Variants in MYO1H observed in about 807,000 individuals in gnomAD.
MYO1H encodes myosin IH, also known as unconventional myosin-Ih.
MYO1H carries 118 observed loss-of-function variants against 149.3 expected under a neutral mutation model. The ratio of observed to expected loss-of-function variants is 0.79; its 90% CI spans 0.68 to 0.92. The LOEUF (loss-of-function observed/expected upper bound fraction) is 0.92. MYO1H is among the 40% of genes least tolerant of loss of function. The pLI is 0.00. For missense variants in MYO1H, 1,212 were observed against 1,280.7 expected, an observed-to-expected ratio of 0.95 and a Z score of 0.82; for synonymous variants, 447 against 465.2, an observed-to-expected ratio of 0.96 and a Z score of 0.50.
chr12:109,392,842 G>A (rs914301087), intron 2 of MYO1H, among the ~76,000 whole-genome samples: 2 of 151,320 alleles, frequency 1.3e-5, no homozygotes, highest in African/African-American at 2.4e-5. Flanking sequence ...TCAGAGTCTC[G>A]CTCTGTCACC....
chr12:109,392,367 G>T (rs6606705), intron 2 of MYO1H, among the ~76,000 whole-genome samples: 75,489 of 151,720 alleles, frequency 0.5, 19,417 homozygotes, highest in African/African-American at 0.62. Context: ...TGCCCTTCCT[G>T]CCTACTTTGT....
chr12:109,422,931 A>G (rs1871234922), intron 16 of MYO1H, among the ~76,000 whole-genome samples: 1 of 151,812 alleles, frequency 6.6e-6, no homozygotes, highest in Non-Finnish European at 1.5e-5. Flanking sequence ...TAAATTAAAA[A>G]ATTAGCTGGG....
upstream of MYO1H, among the ~76,000 whole-genome samples, chr12:109,344,092 A>G (rs574906710): frequency 5.9e-5 from 9 of 152,244 alleles, no homozygotes; most frequent in South Asian, 1.9e-3. Context: ...CCCAATATTT[A>G]AATTTGTCTG....
chr12:109,439,609 A>G, intron 23 of MYO1H, 22 bp from the exon 24 acceptor site: 3 of 1,598,206 alleles, frequency 1.9e-6, no homozygotes, highest in Non-Finnish European at 2.6e-6. Context: ...CCAGAAAAGT[A>G]AGAAAACATT....
At chr12:109,404,110 TC>T in intron 7 of MYO1H, 30 bp downstream of exon 7, 2 of 1,508,540 alleles carry the variant, frequency 1.3e-6, no homozygotes, top group Non-Finnish European at 9.2e-7. Context: ...AACTGATAGT[TC>T]CCCCTGGGAC....
chr12:109,438,086 T>TAA (rs58487735), intron 22 of MYO1H, among the ~76,000 whole-genome samples: 7,005 of 96,760 alleles, frequency 0.072, 296 homozygotes, highest in Middle Eastern at 0.12. Flanking sequence ...AGGCTCTGTC[T>TAA]AAAAAAAAAA....
intron 1 of MYO1H, among the ~76,000 whole-genome samples, chr12:109,384,256 A>C (rs1869260935): frequency 6.6e-6 from 1 of 152,202 alleles, no homozygotes. Flanking sequence ...TAACAGGCAG[A>C]ATCTGTGATC....
At chr12:109,408,863 C>T (rs1329633141) in intron 10 of MYO1H, among the ~76,000 whole-genome samples, 1 of 152,162 alleles carries the variant, frequency 6.6e-6, no homozygotes, top group African/African-American at 2.4e-5. Context: ...AATCTTGGCT[C>T]ACTGCAGCCT....
the MYO1H span, among the ~76,000 whole-genome samples, chr12:109,334,849 T>C: frequency 6.6e-6 from 1 of 152,212 alleles, no homozygotes; most frequent in Admixed American, 6.5e-5. Context: ...TAGTAGGTTT[T>C]AGTATATTCA....
intron 1 of MYO1H, among the ~76,000 whole-genome samples, chr12:109,372,404 G>A (rs1033292843): frequency 2.6e-5 from 4 of 151,970 alleles, no homozygotes; most frequent in African/African-American, 9.7e-5. Flanking sequence ...TTTACATTCA[G>A]TAAAATTCAC....
chr12:109,438,684 A>C (rs1432950413), intron 23 of MYO1H, 64 bp downstream of exon 23: 2 of 1,164,202 alleles, frequency 1.7e-6, no homozygotes, highest in African/African-American at 3.1e-5. Context: ...AGGGATGGTC[A>C]TGGAGGTAGA....
At chr12:109,354,814 A>G (rs911669181) in intron 1 of MYO1H, among the ~76,000 whole-genome samples, 2 of 152,150 alleles carry the variant, frequency 1.3e-5, no homozygotes, top group African/African-American at 4.8e-5. Context: ...ATGTTTCTTC[A>G]ACAAGAGGAA....
intron 1 of MYO1H, among the ~76,000 whole-genome samples, chr12:109,353,738 G>T (rs567438777): frequency 6.6e-6 from 1 of 152,014 alleles, no homozygotes; most frequent in Non-Finnish European, 1.5e-5. Flanking sequence ...TGCAACCCCC[G>T]CCTCCCAGGT....
the MYO1H span, among the ~76,000 whole-genome samples, chr12:109,325,521 T>C: frequency 2.6e-5 from 4 of 152,306 alleles, no homozygotes; most frequent in African/African-American, 9.6e-5. Context: ...GACATACGCA[T>C]AGGCAAAGAC....
intron 1 of MYO1H, among the ~76,000 whole-genome samples, chr12:109,382,380 G>A (rs941080654): frequency 1.3e-5 from 2 of 152,076 alleles, no homozygotes; most frequent in Non-Finnish European, 2.9e-5. Context: ...TTTTCTCTAT[G>A]AATAAATTGC....
intron 12 of MYO1H, 139 bp from the exon 13 acceptor site, chr12:109,410,549 A>G (rs1254668665): frequency 1.5e-6 from 1 of 658,940 alleles, no homozygotes; most frequent in African/African-American, 1.8e-5. Context: ...TTATTTTGAT[A>G]TTCAGAAAAT....
At chr12:109,427,910 AT>A (rs1400268919) in intron 19 of MYO1H, among the ~76,000 whole-genome samples, 253 of 34,306 alleles carry the variant, frequency 7.4e-3, no homozygotes, top group Middle Eastern at 0.014. Context: ...AAAAAAAAAA[AT>A]ATATATATAT....
rs541289093 is a variant in MYO1H at position 109,358,846 on chromosome 12, T to TAAAAAAAAAAA, written c.12+10888_12+10898dup. ...TTCTGGGGGAAGCATCCTGTGGTGT[T>TAAAAAAAAAAA]AAAAAAAAAAAAAAAAAAAAAAAAG... On this transcript the variant is annotated intron_variant, in intron 1 of 31. Transcript: ENST00000310903. Among the ~76,000 whole-genome samples, 691 of 84,506 alleles carry TAAAAAAAAAAA rather than the reference T, an allele frequency of 8.2e-3. 35 individuals are homozygous for TAAAAAAAAAAA. The highest frequency in any genetic ancestry group is 0.037 in the African/African-American group (655 of 17,830). 55.4% of individuals were successfully genotyped at this position (84,506 alleles called of 152,430 possible).
chr12:109,385,420 G>A (rs907824034), intron 1 of MYO1H, among the ~76,000 whole-genome samples: 1 of 145,624 alleles, frequency 6.9e-6, no homozygotes, highest in Non-Finnish European at 1.5e-5. Context: ...TTCAGCATGA[G>A]CAGCTGGGAC....
Sources: gnomAD v4.1 joint callset for allele counts (sites outside exome capture counted in the v4.1 genomes callset) on GRCh38, gnomAD v4.1.1 for gene constraint, MANE v1.5 for transcripts, NCBI Gene and HGNC (gene_info 2026-07-23, HGNC 2026-07-21) for gene names.